Variants in GRID2 observed in about 807,000 individuals in gnomAD.
GRID2 encodes the protein glutamate ionotropic receptor delta type subunit 2.
In GRID2, 33 loss-of-function variants were observed where a neutral mutation model predicts 114.8. The ratio of observed to expected loss-of-function variants is 0.29; its 90% CI spans 0.22 to 0.38. The LOEUF (loss-of-function observed/expected upper bound fraction) is 0.38, where lower values mean the gene tolerates loss of function less well. GRID2 is among the 10% of genes least tolerant of loss of function. The pLI is 1.00. For missense variants in GRID2, 1,184 were observed against 1,257.7 expected, an observed-to-expected ratio of 0.94 and a Z score of 0.89; for synonymous variants, 505 against 449.9, an observed-to-expected ratio of 1.12 and a Z score of -1.55.
chr4:93,221,770 T>C (rs1364947875), intron 6 of GRID2, among the ~76,000 whole-genome samples: 2 of 152,002 alleles, frequency 1.3e-5, no homozygotes, highest in Non-Finnish European at 2.9e-5. Flanking sequence ...TTAGGAGGGG[T>C]AATGAAAAGC....
intron 11 of GRID2, among the ~76,000 whole-genome samples, chr4:93,457,282 A>G (rs771614316): frequency 6.6e-6 from 1 of 152,138 alleles, no homozygotes; most frequent in Admixed American, 6.5e-5. Flanking sequence ...AGAGAGACAG[A>G]GTTAACTATG....
chr4:93,528,895 C>T (rs886275839), intron 13 of GRID2, among the ~76,000 whole-genome samples: 2 of 152,066 alleles, frequency 1.3e-5, no homozygotes, highest in African/African-American at 4.8e-5. Flanking sequence ...AGTTATGGAG[C>T]TGAAAGAGAC....
intron 2 of GRID2, among the ~76,000 whole-genome samples, chr4:92,780,444 A>G (rs973160429): frequency 6.6e-6 from 1 of 152,280 alleles, no homozygotes; most frequent in African/African-American, 2.4e-5. Context: ...TCTCAAAGTT[A>G]TCTTGTCTGA....
At chr4:92,443,767 G>C (rs1224512942) in intron 1 of GRID2, among the ~76,000 whole-genome samples, 1 of 152,172 alleles carries the variant, frequency 6.6e-6, no homozygotes, top group African/African-American at 2.4e-5. Context: ...TGCCGCTAAG[G>C]GTGAAGGACC....
chr4:93,140,373 T>G (rs1240433717), intron 4 of GRID2, among the ~76,000 whole-genome samples: 12 of 152,114 alleles, frequency 7.9e-5, no homozygotes, highest in Admixed American at 7.9e-4. Flanking sequence ...TTAGCCCGGA[T>G]GGTCTCTTTC....
chr4:93,187,297 G>A (rs1283508163), intron 4 of GRID2, among the ~76,000 whole-genome samples: 1 of 151,604 alleles, frequency 6.6e-6, no homozygotes, highest in African/African-American at 2.4e-5. Context: ...TCTTTTTTGA[G>A]ATGGAGTCTC....
At chr4:92,774,007 A>T (rs193259854) in intron 2 of GRID2, among the ~76,000 whole-genome samples, 1 of 152,302 alleles carries the variant, frequency 6.6e-6, no homozygotes, top group East Asian at 1.9e-4. Context: ...TTTTGAATTT[A>T]TACACAAGTG....
chr4:93,476,879 T>C (rs1560660763), intron 11 of GRID2, among the ~76,000 whole-genome samples: 1 of 152,030 alleles, frequency 6.6e-6, no homozygotes, highest in African/African-American at 2.4e-5. Flanking sequence ...ATACTGGAAA[T>C]GAGAACAGAA....
At chr4:93,576,593 A>G (rs1736447861) in intron 13 of GRID2, among the ~76,000 whole-genome samples, 1 of 152,232 alleles carries the variant, frequency 6.6e-6, no homozygotes, top group Non-Finnish European at 1.5e-5. Flanking sequence ...CTATTAAATT[A>G]TCTATATATT....
At chr4:93,359,077 G>A (rs987266789) in intron 8 of GRID2, among the ~76,000 whole-genome samples, 5 of 151,978 alleles carry the variant, frequency 3.3e-5, no homozygotes, top group African/African-American at 9.7e-5. Flanking sequence ...ATCATCTGTG[G>A]TCAACTGGCA....
At chr4:93,548,367 A>C (rs1441624052) in intron 13 of GRID2, among the ~76,000 whole-genome samples, 2 of 152,174 alleles carry the variant, frequency 1.3e-5, no homozygotes. Context: ...CGGAAATAGC[A>C]CCGGACAGGG....
chr4:93,251,414 A>G (rs1411454606), intron 8 of GRID2, among the ~76,000 whole-genome samples: 1 of 152,204 alleles, frequency 6.6e-6, no homozygotes, highest in Non-Finnish European at 1.5e-5. Flanking sequence ...CTATAACACT[A>G]GGTTATAAAA....
At chr4:92,491,441 A>C (rs1286572522) in intron 1 of GRID2, among the ~76,000 whole-genome samples, 2 of 152,122 alleles carry the variant, frequency 1.3e-5, no homozygotes, top group African/African-American at 4.8e-5. Flanking sequence ...TCTTATTGTC[A>C]TCAGGTTAGC....
chr4:92,465,534 T>C (rs537728065), intron 1 of GRID2, among the ~76,000 whole-genome samples: 8 of 152,252 alleles, frequency 5.3e-5, no homozygotes, highest in African/African-American at 1.9e-4. Context: ...AATAAAAAAC[T>C]AGTAGAATTG....
intron 8 of GRID2, among the ~76,000 whole-genome samples, chr4:93,256,104 A>T (rs1288611996): frequency 1.3e-5 from 2 of 151,960 alleles, no homozygotes; most frequent in Non-Finnish European, 2.9e-5. Flanking sequence ...TATTCTTTTG[A>T]CTTTCTCCTA....
chr4:92,676,534 TTTTA>T (rs570443330), intron 2 of GRID2, among the ~76,000 whole-genome samples: 56 of 152,128 alleles, frequency 3.7e-4, no homozygotes, highest in Admixed American at 8.5e-4. Flanking sequence ...TATTTGTTGG[TTTTA>T]TTTGTTTCTT....
At chr4:92,443,769 T>C (rs62312211) in intron 1 of GRID2, among the ~76,000 whole-genome samples, 21,549 of 151,866 alleles carry the variant, frequency 0.14, 1,832 homozygotes, top group South Asian at 0.21. Flanking sequence ...CCGCTAAGGG[T>C]GAAGGACCAA....
chr4:92,433,266 T>C (rs1732558153), intron 1 of GRID2, among the ~76,000 whole-genome samples: 1 of 152,168 alleles, frequency 6.6e-6, no homozygotes, highest in African/African-American at 2.4e-5. Context: ...TGCCTCACTA[T>C]GTCATGTACA....
intron 1 of GRID2, among the ~76,000 whole-genome samples, chr4:92,415,860 A>G (rs996551497): frequency 9.4e-5 from 14 of 149,528 alleles, no homozygotes; most frequent in African/African-American, 3.4e-4. Flanking sequence ...GTGCTGCTGT[A>G]AACATGCATG....
Sources: allele counts gnomAD v4.1 joint callset (sites outside exome capture counted in the v4.1 genomes callset), GRCh38; gene constraint gnomAD v4.1.1; transcripts MANE v1.5; gene names NCBI Gene and HGNC (gene_info 2026-07-23, HGNC 2026-07-21).